The following SIK3 variants were observed in gnomAD, a reference collection of about 807,000 sequenced individuals.
The protein encoded by SIK3 is SIK family kinase 3, also known as serine/threonine-protein kinase SIK3.
In SIK3, 28 loss-of-function variants were observed where a neutral mutation model predicts 144.2. The observed-to-expected ratio is 0.19, with a 90% CI of 0.14 to 0.27. The LOEUF (loss-of-function observed/expected upper bound fraction) is 0.27, where lower values mean the gene tolerates loss of function less well. Ranked by LOEUF, SIK3 falls within the 10% of genes least tolerant of loss-of-function variation. The pLI is 1.00. For missense variants in SIK3, 1,319 were observed against 1,776.0 expected (o/e 0.74, Z 4.62); for synonymous variants, 686 against 676.3 (o/e 1.01, Z -0.22).
intron 1 of SIK3, among the ~76,000 whole-genome samples, chr11:117,057,384 C>CGGTT (rs1591626409): frequency 6.6e-6 from 1 of 152,124 alleles, no homozygotes. Flanking sequence ...GTACAGGCAC[C>CGGTT]TATTCTTTTA....
intron 1 of SIK3, among the ~76,000 whole-genome samples, chr11:117,032,195 C>A (rs537078488): frequency 1.3e-5 from 2 of 152,214 alleles, no homozygotes; most frequent in South Asian, 4.1e-4. Context: ...TTGCCTATAT[C>A]TACAAAAAAT....
intron 1 of SIK3, among the ~76,000 whole-genome samples, chr11:116,997,094 T>G (rs1950695791): frequency 6.6e-6 from 1 of 152,176 alleles, no homozygotes; most frequent in Non-Finnish European, 1.5e-5. Context: ...TGTGAACAAC[T>G]TGAGCAAACA....
At chr11:117,055,817 G>C (rs967121113) in intron 1 of SIK3, among the ~76,000 whole-genome samples, 2 of 152,214 alleles carry the variant, frequency 1.3e-5, no homozygotes, top group African/African-American at 4.8e-5. Flanking sequence ...TTAAAAATGG[G>C]CTTGATGGAG....
intron 4 of SIK3, among the ~76,000 whole-genome samples, chr11:116,906,914 T>C (rs1946071015): frequency 6.6e-6 from 1 of 152,194 alleles, no homozygotes; most frequent in Non-Finnish European, 1.5e-5. Context: ...TATATACAAA[T>C]ATATTCAGAG....
At chr11:116,926,907 G>A (rs904947549) in intron 4 of SIK3, among the ~76,000 whole-genome samples, 1 of 151,808 alleles carries the variant, frequency 6.6e-6, no homozygotes, top group East Asian at 1.9e-4. Context: ...TGTAATCCTA[G>A]CTACTTGGGA....
At chr11:116,947,159 T>A (rs7943608) in intron 3 of SIK3, among the ~76,000 whole-genome samples, 10,998 of 45,870 alleles carry the variant, frequency 0.24, 808 homozygotes, top group South Asian at 0.34. Context: ...TATAATATAT[T>A]ATATATAAAT....
At chr11:117,062,909 A>G (rs1262920734) in intron 1 of SIK3, among the ~76,000 whole-genome samples, 1 of 152,264 alleles carries the variant, frequency 6.6e-6, no homozygotes, top group African/African-American at 2.4e-5. Flanking sequence ...AGCATGGAAA[A>G]AAACATACGT....
intron 1 of SIK3, among the ~76,000 whole-genome samples, chr11:117,016,357 G>GGAAGGA (rs2135714163): frequency 7.9e-6 from 1 of 126,102 alleles, no homozygotes; most frequent in East Asian, 2.4e-4. Context: ...AGGGAGGGAG[G>GGAAGGA]GAGGGAGGGA....
chr11:117,075,046 C>T (rs59511712), intron 1 of SIK3, among the ~76,000 whole-genome samples: 35,651 of 151,776 alleles, frequency 0.23, 4,738 homozygotes, highest in African/African-American at 0.36. Flanking sequence ...AAGTAAGATG[C>T]AGACTATTGT....
chr11:116,919,343 A>C (rs927427820), intron 4 of SIK3, among the ~76,000 whole-genome samples: 5 of 152,154 alleles, frequency 3.3e-5, no homozygotes, highest in Non-Finnish European at 5.9e-5. Context: ...TTAAGGTCAA[A>C]ATTTTCCATG....
At chr11:117,031,235 T>C (rs565949812) in intron 1 of SIK3, among the ~76,000 whole-genome samples, 2 of 152,286 alleles carry the variant, frequency 1.3e-5, no homozygotes, top group Non-Finnish European at 2.9e-5. Context: ...CCTAGCTCTA[T>C]ATCCTAAACA....
At chr11:117,083,422 A>G (rs1257527983) in intron 1 of SIK3, among the ~76,000 whole-genome samples, 1 of 152,216 alleles carries the variant, frequency 6.6e-6, no homozygotes, top group Non-Finnish European at 1.5e-5. Flanking sequence ...TAGGTATAAT[A>G]TATGAAAGTG....
At chr11:116,881,141 A>T (rs974829136) in intron 6 of SIK3, among the ~76,000 whole-genome samples, 6 of 151,924 alleles carry the variant, frequency 3.9e-5, no homozygotes, top group Non-Finnish European at 5.9e-5. Context: ...ATAAATAAAT[A>T]AAATAAATAA....
At chr11:116,926,936 G>T (rs1445284068) in intron 4 of SIK3, among the ~76,000 whole-genome samples, 1 of 150,310 alleles carries the variant, frequency 6.7e-6, no homozygotes, top group Non-Finnish European at 1.5e-5. Context: ...CAGGAGAATC[G>T]CTTGAACCTG....
At chr11:117,049,607 AAAAGG>A (rs1170050504) in intron 1 of SIK3, among the ~76,000 whole-genome samples, 1 of 152,118 alleles carries the variant, frequency 6.6e-6, no homozygotes, top group African/African-American at 2.4e-5. Flanking sequence ...AGCAAGGAAG[AAAAGG>A]AAAAGAAAAA....
In SIK3 at chr11:117,013,912, G is replaced by T. The variant is rs1565556649; in HGVS notation, c.274-56848C>A. ...CTCCAGATTCTGAGGGGGGGGGGGG[G>T]AGGGTGTGTGTGTGTGTGTGTGTGT... On this transcript the variant is annotated intron_variant, in intron 1 of 24. Transcript: ENST00000445177. Among the ~76,000 whole-genome samples, 60 of 36,304 alleles carry T rather than the reference G, an allele frequency of 1.7e-3. 3 individuals are homozygous for T. Among genetic ancestry groups the T allele is most frequent in the African/African-American group, 5.6e-3 (49 of 8,738 alleles). 23.8% of individuals were successfully genotyped at this position (36,304 alleles called of 152,430 possible).
chr11:116,890,430 T>A (rs933943256), intron 6 of SIK3, among the ~76,000 whole-genome samples: 1 of 152,222 alleles, frequency 6.6e-6, no homozygotes, highest in Non-Finnish European at 1.5e-5. Flanking sequence ...TTGAATTTTA[T>A]TCTGAATGTA....
intron 1 of SIK3, among the ~76,000 whole-genome samples, chr11:116,976,375 T>C (rs1174898049): frequency 6.6e-6 from 1 of 152,244 alleles, no homozygotes. Flanking sequence ...TTAGAGAGTT[T>C]TGTGGTCCAC....
Position 117,030,474 on chromosome 11 carries a change from G to C in SIK3, c.273+67669C>G, listed in dbSNP as rs187860443. Among the ~76,000 whole-genome samples, 312 of 152,196 alleles carry C rather than the reference G, an allele frequency of 2.0e-3. 3 individuals are homozygous for C. The highest frequency in any genetic ancestry group is 7.0e-3 in the African/African-American group (291 of 41,530). ...AAGTGATAAAAATACTCATGATATT[G>C]AGTATTGTGAAAAAAGCAAGACACA... On this transcript the variant is annotated intron_variant, in intron 1 of 24. Transcript: ENST00000445177.
Sources: gnomAD v4.1 joint callset for allele counts (sites outside exome capture counted in the v4.1 genomes callset) on GRCh38, gnomAD v4.1.1 for gene constraint, MANE v1.5 for transcripts, NCBI Gene and HGNC (gene_info 2026-07-23, HGNC 2026-07-21) for gene names.